The following SHISA9 variants were observed in gnomAD, a reference collection of about 807,000 sequenced individuals.
SHISA9 encodes the protein protein shisa-9.
In SHISA9, 13 loss-of-function variants were observed where a neutral mutation model predicts 38.0. That is an observed-to-expected ratio of 0.34 (90% CI 0.22 to 0.54). The LOEUF is 0.54. Ranked by LOEUF, SHISA9 falls within the 20% of genes least tolerant of loss-of-function variation. The pLI is 0.91. For missense variants in SHISA9, 538 were observed against 575.8 expected (o/e 0.93, Z 0.67); for synonymous variants, 275 against 242.0 (o/e 1.14, Z -1.27).
the SHISA9 span, among the ~76,000 whole-genome samples, chr16:13,256,697 A>G: frequency 4.6e-5 from 7 of 152,358 alleles, no homozygotes; most frequent in African/African-American, 1.7e-4. Flanking sequence ...AAGTCAGGCA[A>G]TTGATAACTC....
At chr16:13,281,296 C>T in the SHISA9 span, among the ~76,000 whole-genome samples, 4 of 151,758 alleles carry the variant, frequency 2.6e-5, no homozygotes, top group Admixed American at 2.6e-4. Flanking sequence ...CTTCCTATAG[C>T]TCTTATCAAT....
chr16:12,928,451 A>G (rs959894034), intron 2 of SHISA9, among the ~76,000 whole-genome samples: 1 of 152,210 alleles, frequency 6.6e-6, no homozygotes, highest in African/African-American at 2.4e-5. Flanking sequence ...CACAACCATG[A>G]AACTTGTCTG....
chr16:12,905,773 T>G (rs1279590263), intron 1 of SHISA9, among the ~76,000 whole-genome samples: 2 of 152,072 alleles, frequency 1.3e-5, no homozygotes, highest in African/African-American at 4.8e-5. Context: ...TTTGAATTTT[T>G]AGTAGAGACA....
chr16:12,952,549 C>T (rs191361429), intron 2 of SHISA9, among the ~76,000 whole-genome samples: 28 of 152,220 alleles, frequency 1.8e-4, no homozygotes, highest in African/African-American at 5.3e-4. Flanking sequence ...AATTGTAATC[C>T]GAACTGTAAT....
At chr16:13,078,249 C>G (rs1185536338) in intron 2 of SHISA9, among the ~76,000 whole-genome samples, 1 of 152,226 alleles carries the variant, frequency 6.6e-6, no homozygotes, top group South Asian at 2.1e-4. Context: ...TACAAAATGG[C>G]ATACTATTTG....
chr16:13,107,654 A>G (rs778750083), intron 2 of SHISA9, among the ~76,000 whole-genome samples: 5 of 152,102 alleles, frequency 3.3e-5, no homozygotes, highest in Non-Finnish European at 7.4e-5. Context: ...CATTACTAAG[A>G]CAGCTGCAGT....
Position 12,921,618 on chromosome 16 carries a change from A to G in SHISA9, c.691+4803A>G, listed in dbSNP as rs547326306. Among the ~76,000 whole-genome samples the G allele has an allele frequency of 8.0e-4, 122 of 152,268 alleles. 1 individual carries two copies. The highest frequency in any genetic ancestry group is 1.0e-3 in the Non-Finnish European group (70 of 68,028). The stretch of plus-strand genomic sequence containing the variant: ...CTCTAAAAAAAGTAAAAATAATTTG[A>G]AAAGTAATTGGGCATGGTAGTTCAC... On this transcript the variant is annotated intron_variant, in intron 2 of 4. Transcript: ENST00000558583.
rs116918123 is a variant in SHISA9 at position 13,013,468 on chromosome 16, A to G, written c.691+96653A>G. On this transcript the variant is annotated intron_variant, in intron 2 of 4. Transcript: ENST00000558583. ...CCTGGAAGGGATTCATGGGTTGTCA[A>G]TGGAACCACACTTGACTCTAAGTTC... Among the ~76,000 whole-genome samples, 1,004 of 152,302 alleles carry G rather than the reference A, an allele frequency of 6.6e-3. 7 individuals carry two copies. Among genetic ancestry groups the G allele is most frequent in the Middle Eastern group, 0.02 (6 of 294 alleles).
Position 13,170,134 on chromosome 16 carries a change from T to C in SHISA9, c.692-33260T>C, listed in dbSNP as rs1316558522. Among the ~76,000 whole-genome samples, 3 of 142,060 alleles carry C rather than the reference T, an allele frequency of 2.1e-5. No homozygotes were observed. In the Admixed American group the frequency reaches 2.3e-4, roughly 11 times the overall value. 93.2% of individuals were successfully genotyped at this position (142,060 alleles called of 152,430 possible). A position where few individuals can be genotyped will look rare whatever the true frequency, so the allele number is the denominator to read the frequency against. On this transcript the variant is annotated intron_variant, in intron 2 of 4. Transcript: ENST00000558583. ...AGGAGAATCGCTTGAACCTGGGAGGTGGAGGTTGCAGTGAGCTGAGATCGT... is the reference window on the plus strand; with the variant it reads ...AGGAGAATCGCTTGAACCTGGGAGGCGGAGGTTGCAGTGAGCTGAGATCGT...
At chr16:12,974,440 A>C (rs1165181373) in intron 2 of SHISA9, among the ~76,000 whole-genome samples, 1 of 145,568 alleles carries the variant, frequency 6.9e-6, no homozygotes, top group Non-Finnish European at 1.5e-5. Context: ...TATGACTTTC[A>C]TGTCCATATA....
chr16:13,534,360 G>A, the SHISA9 span, among the ~76,000 whole-genome samples: 1 of 152,024 alleles, frequency 6.6e-6, no homozygotes, highest in Non-Finnish European at 1.5e-5. Flanking sequence ...AAGTAGCTGG[G>A]ACTATAGGTG....
At chr16:13,012,985 T>A (rs867999968) in intron 2 of SHISA9, among the ~76,000 whole-genome samples, 1 of 152,096 alleles carries the variant, frequency 6.6e-6, no homozygotes, top group Non-Finnish European at 1.5e-5. Flanking sequence ...GGGAGGGGCG[T>A]GGAGGGAGAC....
At chr16:13,560,639 C>T in the SHISA9 span, among the ~76,000 whole-genome samples, 3 of 151,194 alleles carry the variant, frequency 2.0e-5, no homozygotes, top group Non-Finnish European at 4.4e-5. Context: ...TCTAGGGATA[C>T]AGAGGTGAAA....
At chr16:13,045,350 G>A (rs2073174701) in intron 2 of SHISA9, among the ~76,000 whole-genome samples, 1 of 152,132 alleles carries the variant, frequency 6.6e-6, no homozygotes, top group Non-Finnish European at 1.5e-5. Flanking sequence ...GTCAGTTTAT[G>A]GCAGAGCAAG....
intron 2 of SHISA9, among the ~76,000 whole-genome samples, chr16:13,129,362 A>G: frequency 6.6e-6 from 1 of 152,192 alleles, no homozygotes; most frequent in East Asian, 1.9e-4. Context: ...TGGCTCCACT[A>G]TTCTCCTAAG....
At chr16:13,354,516 G>A in the SHISA9 span, among the ~76,000 whole-genome samples, 9 of 150,748 alleles carry the variant, frequency 6.0e-5, no homozygotes, top group Non-Finnish European at 8.9e-5. Flanking sequence ...ACAGCTGAAG[G>A]AGCCAGGGAG....
chr16:13,238,996 C>CCA lies in SHISA9; in HGVS notation c.*3590_*3591dup, dbSNP rs1418763792. 1 of 107,442 alleles carries CCA rather than the reference C, an allele frequency of 9.3e-6. No homozygotes were observed. The highest frequency in any genetic ancestry group is 3.5e-4 in the East Asian group (1 of 2,890). The allele number at this position is 107,442 out of a possible 1,614,324, so 6.7% of individuals were successfully genotyped here. On this transcript the variant is annotated 3_prime_UTR_variant, in exon 5 of 5. Coordinates refer to ENST00000558583, the MANE Select transcript of SHISA9 (RefSeq NM_001145204.3). ...GCTATCCCTCCCCCCTCCCCCCACCCCACAACAGTCCCCAGAGTGTGATGT... is the reference window on the plus strand; with the variant it reads ...GCTATCCCTCCCCCCTCCCCCCACCCCACACAACAGTCCCCAGAGTGTGATGT...
chr16:13,476,438 A>G, the SHISA9 span, among the ~76,000 whole-genome samples: 1 of 152,186 alleles, frequency 6.6e-6, no homozygotes, highest in Non-Finnish European at 1.5e-5. Context: ...CCTTAGCAAT[A>G]ACCATTGTCC....
the SHISA9 span, among the ~76,000 whole-genome samples, chr16:13,301,566 T>C: frequency 6.6e-6 from 1 of 152,216 alleles, no homozygotes; most frequent in Non-Finnish European, 1.5e-5. Context: ...TGTTAATTTT[T>C]ATTAGTAGCA....
Sources: gnomAD v4.1 joint callset for allele counts (sites outside exome capture counted in the v4.1 genomes callset) on GRCh38, gnomAD v4.1.1 for gene constraint, MANE v1.5 for transcripts, NCBI Gene and HGNC (gene_info 2026-07-23, HGNC 2026-07-21) for gene names.